Variants in PREP observed in about 807,000 individuals in gnomAD.
The protein encoded by PREP is prolyl endopeptidase, also known as dJ355L5.1 (prolyl endopeptidase).
A neutral mutation model predicts 87.6 loss-of-function variants in PREP; 29 were observed. The ratio of observed to expected loss-of-function variants is 0.33; its 90% confidence interval spans 0.25 to 0.45. PREP has a LOEUF of 0.45. Ranked by LOEUF, PREP falls within the 20% of genes least tolerant of loss-of-function variation. PREP has a pLI of 1.00. For synonymous variants in PREP, 337 were observed against 328.6 expected, an observed-to-expected ratio of 1.03 and a Z score of -0.28; for missense variants, 695 against 886.5, an observed-to-expected ratio of 0.78 and a Z score of 2.74.
chr6:105,316,756 C>T (rs1770880585), intron 10 of PREP, among the ~76,000 whole-genome samples: 2 of 151,952 alleles, frequency 1.3e-5, no homozygotes, highest in Admixed American at 1.3e-4. Context: ...ATTTATAAAA[C>T]AAGTCATTAA....
At chr6:105,325,234 A>C (rs6902097) in intron 9 of PREP, among the ~76,000 whole-genome samples, 39,806 of 152,018 alleles carry the variant, frequency 0.26, 8,168 homozygotes, top group African/African-American at 0.58. Context: ...ACAACAACAA[A>C]AAGACAACGT....
At chr6:105,317,130 T>G in intron 10 of PREP, among the ~76,000 whole-genome samples, 1 of 151,924 alleles carries the variant, frequency 6.6e-6, no homozygotes, top group South Asian at 2.1e-4. Context: ...AAAATATATA[T>G]ATTTTTTTGT....
chr6:105,294,927 A>G (rs750953031), intron 10 of PREP, among the ~76,000 whole-genome samples: 3 of 152,170 alleles, frequency 2.0e-5, no homozygotes, highest in Admixed American at 6.5e-5. Context: ...ACCCTTGGAC[A>G]GCTCTTTAAA....
chr6:105,353,024 T>C lies in PREP; in HGVS notation c.771A>G (p.Pro257=). 1.9e-6 allele frequency: 3 copies of C among 1,614,138 alleles called. No homozygotes were observed. Among genetic ancestry groups the C allele is most frequent in the Non-Finnish European group, 2.5e-6 (3 of 1,180,012 alleles). ...GGTCACAGTACCAGAGTCGGTTTACTGGATCACATCCTTCCCTTATTGATA... is the reference window on the plus strand; with the variant it reads ...GGTCACAGTACCAGAGTCGGTTTACCGGATCACATCCTTCCCTTATTGATA... ...VLLSIREGCD[P]VNRLWYCDLQ... Residue 257 remains proline (P), a synonymous_variant, in exon 7 of 15, where the codon CCA becomes CCG. Coordinates refer to ENST00000652536, the MANE Select transcript of PREP (RefSeq NM_002726.5).
chr6:105,362,731 C>T (rs1164027195), intron 6 of PREP, among the ~76,000 whole-genome samples: 1 of 152,142 alleles, frequency 6.6e-6, no homozygotes, highest in Admixed American at 6.5e-5. Context: ...TCACATAAGG[C>T]AGTGCTAATG....
chr6:105,398,591 T>G (rs1482698116), intron 1 of PREP, among the ~76,000 whole-genome samples: 1 of 152,174 alleles, frequency 6.6e-6, no homozygotes, highest in Non-Finnish European at 1.5e-5. Context: ...CATCACCCAT[T>G]CAGGTTACCA....
intron 9 of PREP, among the ~76,000 whole-genome samples, chr6:105,325,565 C>T (rs993829186): frequency 6.6e-5 from 10 of 152,186 alleles, no homozygotes; most frequent in Admixed American, 5.9e-4. Context: ...ATTCTTCTGT[C>T]CTGTGCACCA....
intron 9 of PREP, among the ~76,000 whole-genome samples, chr6:105,324,377 C>T (rs180672207): frequency 8.5e-5 from 13 of 152,218 alleles, no homozygotes; most frequent in Admixed American, 2.0e-4. Context: ...TAATTGTGCA[C>T]GACACAAAAT....
intron 6 of PREP, 86 bp from the exon 7 acceptor site, chr6:105,353,163 G>A: frequency 8.8e-7 from 1 of 1,140,478 alleles, no homozygotes; most frequent in Non-Finnish European, 1.3e-6. Flanking sequence ...AAAAAATTAA[G>A]GTTAATTTTC....
At chr6:105,324,710 A>G (rs1771102965) in intron 9 of PREP, among the ~76,000 whole-genome samples, 1 of 152,210 alleles carries the variant, frequency 6.6e-6, no homozygotes, top group African/African-American at 2.4e-5. Context: ...ATTTAAATGG[A>G]ATAATCATTA....
At chr6:105,279,970 CAAT>C (rs1309958355) in intron 14 of PREP, among the ~76,000 whole-genome samples, 1 of 152,142 alleles carries the variant, frequency 6.6e-6, no homozygotes, top group East Asian at 1.9e-4. Context: ...CAATGTGTGT[CAAT>C]GAGGCCTGCA....
At chr6:105,374,872 C>T (rs1303901014) in intron 4 of PREP, among the ~76,000 whole-genome samples, 3 of 151,910 alleles carry the variant, frequency 2.0e-5, no homozygotes, top group African/African-American at 4.8e-5. Context: ...TAGCTTCTCG[C>T]CCATCAAGGC....
intron 10 of PREP, among the ~76,000 whole-genome samples, chr6:105,290,438 C>T (rs1357413936): frequency 6.6e-6 from 1 of 151,878 alleles, no homozygotes; most frequent in African/African-American, 2.4e-5. Flanking sequence ...TTCAAAAAAC[C>T]GAATTCCCTC....
chr6:105,332,868 C>CT (rs1771374294), intron 8 of PREP, among the ~76,000 whole-genome samples: 1 of 152,192 alleles, frequency 6.6e-6, no homozygotes, highest in Non-Finnish European at 1.5e-5. Flanking sequence ...TGACAATAGT[C>CT]TATTCCCTTT....
intron 7 of PREP, among the ~76,000 whole-genome samples, chr6:105,348,434 G>T (rs1268581795): frequency 6.6e-6 from 1 of 152,174 alleles, no homozygotes; most frequent in African/African-American, 2.4e-5. Context: ...TGCTCTAGGT[G>T]CTGGCAACTC....
At chr6:105,305,192 T>C (rs760644772) in intron 10 of PREP, among the ~76,000 whole-genome samples, 1 of 152,200 alleles carries the variant, frequency 6.6e-6, no homozygotes, top group South Asian at 2.1e-4. Flanking sequence ...TGTTCATTAA[T>C]AGAACAGAAG....
chr6:105,387,132 G>A (rs1286587991), intron 2 of PREP, among the ~76,000 whole-genome samples: 2 of 152,090 alleles, frequency 1.3e-5, no homozygotes, highest in African/African-American at 2.4e-5. Context: ...TGAGACATGA[G>A]AATTGCTTGA....
chr6:105,323,200 C>T (rs1771059584), intron 10 of PREP: 2 of 1,092,718 alleles, frequency 1.8e-6, no homozygotes, highest in Non-Finnish European at 1.3e-6. Context: ...TTAATTTATT[C>T]ATTCAAATGT....
chr6:105,295,032 G>A (rs1770377277), intron 10 of PREP, among the ~76,000 whole-genome samples: 2 of 152,026 alleles, frequency 1.3e-5, no homozygotes, highest in African/African-American at 4.8e-5. Context: ...ATGGCAACTT[G>A]CTTCATTACA....
Sources: gnomAD v4.1 joint callset for allele counts (sites outside exome capture counted in the v4.1 genomes callset) on GRCh38, gnomAD v4.1.1 for gene constraint, MANE v1.5 for transcripts, NCBI Gene and HGNC (gene_info 2026-07-23, HGNC 2026-07-21) for gene names.